ZNF324B: variants seen among roughly 807,000 people sequenced by gnomAD.
ZNF324B encodes zinc finger protein 324B.
Under a neutral mutation model 10.6 loss-of-function variants are expected in ZNF324B, and 7 were observed. That is an observed-to-expected ratio of 0.66 (90% CI 0.38 to 1.24). The LOEUF (loss-of-function observed/expected upper bound fraction) is 1.24, where lower values mean the gene tolerates loss of function less well. Among genes scored for constraint, ZNF324B ranks in the 50% most tolerant of loss-of-function variants. ZNF324B has a pLI of 0.02. For missense variants in ZNF324B, 640 were observed against 764.7 expected (o/e 0.84, Z 1.92); for synonymous variants, 316 against 321.0 (o/e 0.98, Z 0.17).
chr19:58,434,650 G>A, the ZNF324B span: 5 of 1,614,220 alleles, frequency 3.1e-6, no homozygotes, highest in Non-Finnish European at 4.2e-6. Context: ...TGTTGGGCAT[G>A]TAAATGGTAT....
chr19:58,446,034 C>T, the ZNF324B span, among the ~76,000 whole-genome samples: 15 of 152,196 alleles, frequency 9.9e-5, no homozygotes, highest in African/African-American at 3.6e-4. Context: ...ACTCAGGAGG[C>T]TGAGGCAGGA....
At chr19:58,437,086 T>C in the ZNF324B span, 1 of 1,614,036 alleles carries the variant, frequency 6.2e-7, no homozygotes, top group African/African-American at 1.3e-5. Flanking sequence ...AGCATCACAC[T>C]GTGGTACAGG....
chr19:58,420,917 G>C, the ZNF324B span, among the ~76,000 whole-genome samples: 2 of 151,326 alleles, frequency 1.3e-5, no homozygotes, highest in South Asian at 4.2e-4. Context: ...TGCTGGCCAG[G>C]CTGGTCTCGA....
At chr19:58,445,431 C>A in the ZNF324B span, 1 of 518,958 alleles carries the variant, frequency 1.9e-6, no homozygotes, top group Non-Finnish European at 3.8e-6. Flanking sequence ...ACAGCTCCTG[C>A]CTTGCTTGGC....
chr19:58,442,056 C>T, the ZNF324B span: 1 of 152,314 alleles, frequency 6.6e-6, no homozygotes, highest in African/African-American at 2.4e-5. Context: ...GGCCCTGGCA[C>T]TGGCCAGTGT....
the ZNF324B span, chr19:58,433,248 G>A: frequency 6.8e-7 from 1 of 1,468,222 alleles, no homozygotes; most frequent in Non-Finnish European, 9.2e-7. Context: ...AATTTTTCTG[G>A]TATGGGGATT....
At position 58,453,772 on chromosome 19, in the gene ZNF324B, C is replaced by T. The variant is rs1428880282; in HGVS notation, c.71C>T (p.Ala24Val). 1.9e-6 allele frequency: 3 copies of T among 1,614,162 alleles called. No homozygotes were observed. Among genetic ancestry groups the T allele is most frequent in the South Asian group, 2.2e-5 (2 of 91,084 alleles). The part of the protein sequence containing the change: ...EWGLLDTAQR[A>V]LYRHVMLENF... ...GGGCTCCTGGACACAGCGCAGAGGG[C>T]CCTGTACCGCCACGTGATGCTGGAA... is the stretch of plus-strand genomic sequence containing the variant. The change falls in exon 2 of 4, where the codon GCC becomes GTC. Residue 24 changes from alanine to valine, a missense_variant. Coordinates refer to ENST00000336614, the MANE Select transcript of ZNF324B (RefSeq NM_207395.3).
chr19:58,433,413 G>A, the ZNF324B span: 2 of 1,614,196 alleles, frequency 1.2e-6, no homozygotes, highest in Non-Finnish European at 1.7e-6. Context: ...TTTCTCTGGT[G>A]TGAACTTTCT....
the ZNF324B span, among the ~76,000 whole-genome samples, chr19:58,439,237 C>T: frequency 6.6e-6 from 1 of 152,216 alleles, no homozygotes; most frequent in Non-Finnish European, 1.5e-5. Context: ...CAGCTCCTCA[C>T]TGGCCTTCCT....
chr19:58,435,205 C>G, the ZNF324B span: 5 of 1,603,990 alleles, frequency 3.1e-6, no homozygotes, highest in South Asian at 5.5e-5. Context: ...TACTCCATGC[C>G]AAGAACCTGA....
chr19:58,420,140 TG>T, the ZNF324B span, among the ~76,000 whole-genome samples: 1 of 152,024 alleles, frequency 6.6e-6, no homozygotes, highest in Non-Finnish European at 1.5e-5. Flanking sequence ...AAAAATTGGC[TG>T]GGTGCAGTGG....
chr19:58,457,232 G>GCT lies in ZNF324B; in HGVS notation c.*656_*657dup, dbSNP rs2052931970. The GCT allele has an allele frequency of 6.5e-6, 1 of 153,454 alleles. No individual in the cohort carries two copies. The allele number at this position is 153,454 out of a possible 1,614,324, so 9.5% of individuals were successfully genotyped here. Reference sequence around the variant, plus strand: ...TGCTCACTGCCAGCTCCTGGGCTGTGCTCTGGTCAGCCAGGTGTGAGGGCC... The same window carrying GCT: ...TGCTCACTGCCAGCTCCTGGGCTGTGCTCTCTGGTCAGCCAGGTGTGAGGGCC... On this transcript the variant is annotated 3_prime_UTR_variant, in exon 4 of 4. Coordinates refer to ENST00000336614, the MANE Select transcript of ZNF324B (RefSeq NM_207395.3).
chr19:58,444,299 A>G, the ZNF324B span: 2 of 152,144 alleles, frequency 1.3e-5, no homozygotes, highest in Non-Finnish European at 2.9e-5. Flanking sequence ...GTCTTCTACC[A>G]TTGGCCTCCC....
the ZNF324B span, chr19:58,439,872 C>G: frequency 6.6e-7 from 1 of 1,521,330 alleles, no homozygotes; most frequent in Non-Finnish European, 8.9e-7. Flanking sequence ...CTCACACTTC[C>G]GCTGGGTGAC....
chr19:58,436,796 C>G, the ZNF324B span: 1 of 601,390 alleles, frequency 1.7e-6, no homozygotes, highest in Non-Finnish European at 3.1e-6. Flanking sequence ...GTTAGGCAGA[C>G]TGGAGGTGTC....
the ZNF324B span, chr19:58,434,894 T>A: frequency 6.2e-7 from 1 of 1,614,222 alleles, no homozygotes; most frequent in Non-Finnish European, 8.5e-7. Context: ...AGGTGGACTT[T>A]AGAGCTCTTC....
chr19:58,432,269 A>G, the ZNF324B span: 16 of 515,738 alleles, frequency 3.1e-5, no homozygotes, highest in African/African-American at 2.5e-4. Flanking sequence ...GAGAGAGGTG[A>G]AGTGAATGTA....
At chr19:58,432,043 A>G in the ZNF324B span, among the ~76,000 whole-genome samples, 27 of 152,130 alleles carry the variant, frequency 1.8e-4, no homozygotes, top group South Asian at 5.6e-3. Context: ...CTGGATCTCT[A>G]GCTCCTTCTA....
rs995563678 is a variant in ZNF324B, at chr19:58,456,536, G to A, written c.1592G>A (p.Arg531Gln). 4.3e-6 allele frequency: 7 copies of A among 1,614,016 alleles called. No homozygotes were observed. Among genetic ancestry groups the A allele is most frequent in the South Asian group, 3.3e-5 (3 of 91,084 alleles). ...CAGGGACATCATCGGAAGGTGCGCC[G>A]GGGAGGGAAGCCAAGCCCAGTCCTG... ...FLQGHHRKVR[R>Q]GGKPSPVLKP... Residue 531 changes from arginine to glutamine, a missense_variant, in exon 4 of 4, where the codon CGG becomes CAG. Transcript: ENST00000336614. The surrounding 1 kb of genome is among the most constrained non-coding windows in gnomAD (Gnocchi z 4.7).
Sources: gnomAD v4.1 joint callset for allele counts (sites outside exome capture counted in the v4.1 genomes callset) on GRCh38, gnomAD v4.1.1 for gene constraint, Gnocchi (gnomAD v3.1) non-coding constraint, MANE v1.5 for transcripts, NCBI Gene and HGNC (gene_info 2026-07-23, HGNC 2026-07-21) for gene names.